ANK3: variants seen among roughly 807,000 people sequenced by gnomAD.
ANK3 encodes ankyrin-3.
Under a neutral mutation model 370.9 loss-of-function variants are expected in ANK3, and 57 were observed. That is an observed-to-expected ratio of 0.15 (90% CI 0.12 to 0.19). The LOEUF is 0.19. Among genes scored for constraint, ANK3 ranks in the 10% least tolerant of loss-of-function variants. The pLI, the probability that ANK3 is intolerant of heterozygous loss-of-function variation, is 1.00. For missense variants in ANK3, 4,439 were observed against 5,302.1 expected (o/e 0.84, Z 5.06); for synonymous variants, 1,929 against 1,946.3 (o/e 0.99, Z 0.23).
rs139092048 is a variant in ANK3 at position 60,059,785 on chromosome 10, C to A, written c.12596-355G>T. ...GGCACTGAGTCTTCCAGTTTGCTGT[C>A]TTCTAAGGAAGCGTCTTCTGCAGTT... On this transcript the variant is annotated intron_variant, in intron 40 of 43. Transcript: ENST00000280772. The A allele has an allele frequency of 5.6e-3, 9,118 of 1,614,234 alleles. 33 individuals are homozygous for A. The highest frequency in any genetic ancestry group is 6.8e-3 in the Non-Finnish European group (8,026 of 1,180,032).
At chr10:60,138,203 T>C (rs1387621110) in intron 24 of ANK3, among the ~76,000 whole-genome samples, 3 of 152,212 alleles carry the variant, frequency 2.0e-5, no homozygotes, top group Non-Finnish European at 2.9e-5. Context: ...CCTTAAACTA[T>C]AGGAAAATGT....
In ANK3 at chr10:60,114,207, G is replaced by A; in HGVS notation, c.2948+18C>T. 1.4e-6 allele frequency: 2 copies of A among 1,460,574 alleles called. No homozygotes were observed. The highest frequency in any genetic ancestry group is 1.9e-6 in the Non-Finnish European group (2 of 1,054,548). 90.5% of individuals were successfully genotyped at this position (1,460,574 alleles called of 1,614,324 possible). A position where few individuals can be genotyped will look rare whatever the true frequency, so the allele number is the denominator to read the frequency against. On this transcript the variant is annotated intron_variant, in intron 26 of 43. Coordinates refer to ENST00000280772, the MANE Select transcript of ANK3 (RefSeq NM_020987.5). ...TTCATGTAGTAGGATAATGAAAAGT[G>A]ACATTTAGGTTACTTACCCAGAATG... is the stretch of plus-strand genomic sequence containing the variant.
intron 1 of ANK3, among the ~76,000 whole-genome samples, chr10:60,664,050 T>C (rs542272293): frequency 6.6e-6 from 1 of 152,214 alleles, no homozygotes; most frequent in Admixed American, 6.5e-5. Flanking sequence ...GGAACATAAA[T>C]GCAGTCTACT....
chr10:60,044,193 A>C, intron 42 of ANK3: 1 of 984,564 alleles, frequency 1.0e-6, no homozygotes, highest in Non-Finnish European at 1.2e-6. Flanking sequence ...ACACTACAGC[A>C]CAAAAGTAGC....
chr10:60,501,444 C>T (rs1034396498), intron 2 of ANK3, among the ~76,000 whole-genome samples: 2 of 152,142 alleles, frequency 1.3e-5, no homozygotes, highest in African/African-American at 4.8e-5. Flanking sequence ...GCGGCTCACG[C>T]CTGTAATCTC....
At chr10:60,650,537 C>A (rs889271161) in intron 1 of ANK3, among the ~76,000 whole-genome samples, 2 of 152,146 alleles carry the variant, frequency 1.3e-5, no homozygotes, top group African/African-American at 4.8e-5. Context: ...GTACAATAGA[C>A]ATTGGCATGC....
Position 60,064,238 on chromosome 10 carries a change from C to T in ANK3, c.12370G>A (p.Val4124Met). ...FSVDEINQIR[V>M]ENPNSLISQS... ...GAAATTAAAGAATTTGGATTTTCCA[C>T]ACGTATTTGATTGATTTCATCCACT... The change falls in exon 39 of 44, where the codon GTG (valine) becomes ATG (methionine). Residue 4124 changes from valine (V) to methionine (M), a missense_variant. This residue lies in a region of ANK3 where 99 missense variants were observed against 150.7 expected (regional missense o/e 0.66). Coordinates refer to ENST00000280772, the MANE Select transcript of ANK3 (RefSeq NM_020987.5). The T allele has an allele frequency of 1.9e-6, 3 of 1,581,916 alleles. No individual in the cohort carries two copies. Among genetic ancestry groups the T allele is most frequent in the South Asian group, 1.2e-5 (1 of 84,018 alleles).
At chr10:60,325,403 G>A (rs1404055353) in intron 1 of ANK3, among the ~76,000 whole-genome samples, 1 of 152,124 alleles carries the variant, frequency 6.6e-6, no homozygotes, top group Non-Finnish European at 1.5e-5. Context: ...TCCTTTCTCA[G>A]CTGGAACACT....
At chr10:60,098,963 AATCAT>A (rs1176094541) in intron 28 of ANK3, among the ~76,000 whole-genome samples, 1 of 152,218 alleles carries the variant, frequency 6.6e-6, no homozygotes, top group African/African-American at 2.4e-5. Context: ...AATTTCTGAC[AATCAT>A]ATATTTTTAA....
At chr10:60,453,239 G>T (rs1006055096) in intron 2 of ANK3, among the ~76,000 whole-genome samples, 2 of 152,100 alleles carry the variant, frequency 1.3e-5, no homozygotes, top group African/African-American at 4.8e-5. Context: ...CTACAAAGTA[G>T]CTTCGAGGAC....
chr10:60,557,191 C>T (rs2077227106), intron 2 of ANK3, among the ~76,000 whole-genome samples: 1 of 152,172 alleles, frequency 6.6e-6, no homozygotes, highest in Admixed American at 6.5e-5. Flanking sequence ...AAAACTTATA[C>T]AGGATGTTTG....
chr10:60,493,253 G>A (rs1416118815), intron 2 of ANK3, among the ~76,000 whole-genome samples: 3 of 152,122 alleles, frequency 2.0e-5, no homozygotes, highest in African/African-American at 7.2e-5. Context: ...CAGTAAGCAG[G>A]AAGTGTCAAG....
At position 60,176,368 on chromosome 10, in the gene ANK3, C is replaced by A. The variant is rs1188457979; in HGVS notation, c.2185-3182G>T. Among the ~76,000 whole-genome samples, 846 of 102,040 alleles carry A rather than the reference C, an allele frequency of 8.3e-3. 1 individual carries two copies. Among genetic ancestry groups the A allele is most frequent in the Middle Eastern group, 0.011 (2 of 184 alleles). The allele number at this position is 102,040 out of a possible 152,430, so 66.9% of individuals were successfully genotyped here. ...CAACAGAGTGAGAGACTCTGTCTCC[C>A]AAAAAAAAAAAAAAAAGAAAGAAAA... On this transcript the variant is annotated intron_variant, in intron 18 of 43. Transcript: ENST00000280772.
chr10:60,374,745 G>A (rs1279918780), intron 1 of ANK3, among the ~76,000 whole-genome samples: 1 of 152,104 alleles, frequency 6.6e-6, no homozygotes, highest in South Asian at 2.1e-4. Flanking sequence ...GTCCTTTGTG[G>A]CATTTTTCAT....
At chr10:60,506,511 C>T (rs946707948) in intron 2 of ANK3, among the ~76,000 whole-genome samples, 3 of 152,070 alleles carry the variant, frequency 2.0e-5, no homozygotes, top group South Asian at 4.1e-4. Context: ...TATTAAGCTA[C>T]CTTTAAGTTT....
intron 2 of ANK3, among the ~76,000 whole-genome samples, chr10:60,397,365 T>C (rs1278855617): frequency 6.6e-6 from 1 of 152,208 alleles, no homozygotes; most frequent in African/African-American, 2.4e-5. Flanking sequence ...GATTTAGCAA[T>C]GAACTGACTT....
intron 14 of ANK3, 59 bp downstream of exon 14, chr10:60,198,281 A>C (rs2096618416): frequency 3.2e-6 from 5 of 1,557,746 alleles, no homozygotes; most frequent in Non-Finnish European, 4.4e-6. Flanking sequence ...CTATGCGGGG[A>C]AACGTAAGGA....
intron 1 of ANK3, among the ~76,000 whole-genome samples, chr10:60,720,566 C>T (rs76862149): frequency 0.015 from 2,213 of 152,238 alleles, 52 homozygotes; most frequent in African/African-American, 0.05. Flanking sequence ...TTTGCAAAAT[C>T]TTATATATCT....
intron 9 of ANK3, among the ~76,000 whole-genome samples, chr10:60,209,302 T>C (rs577645095): frequency 6.6e-6 from 1 of 152,334 alleles, no homozygotes; most frequent in East Asian, 1.9e-4. Flanking sequence ...ATCAAATATG[T>C]ACCAAGGAAC....
Sources: allele counts gnomAD v4.1 joint callset (sites outside exome capture counted in the v4.1 genomes callset), GRCh38; gene constraint gnomAD v4.1.1; regional missense constraint gnomAD v4.1.1; transcripts MANE v1.5; gene names NCBI Gene and HGNC (gene_info 2026-07-23, HGNC 2026-07-21).